Variants in CAST observed in about 807,000 individuals in gnomAD.
The protein encoded by CAST is MIR583 host.
Under a neutral mutation model 119.6 loss-of-function variants are expected in CAST, and 76 were observed. That is an observed-to-expected ratio of 0.64 (90% CI 0.53 to 0.77). The LOEUF is 0.77. CAST is among the 30% of genes least tolerant of loss of function. The probability of loss-of-function intolerance (pLI) is 0.00; values close to 1 mark genes in which losing one functional copy is unlikely to be tolerated. For synonymous variants in CAST, 319 were observed against 331.6 expected, an observed-to-expected ratio of 0.96 and a Z score of 0.41; for missense variants, 953 against 946.5, an observed-to-expected ratio of 1.01 and a Z score of -0.09.
At chr5:96,098,104 T>C in the CAST span, among the ~76,000 whole-genome samples, 1 of 152,190 alleles carries the variant, frequency 6.6e-6, no homozygotes, top group African/African-American at 2.4e-5. Flanking sequence ...TTTCATGTAA[T>C]TGTTGGGCAC....
the CAST span, among the ~76,000 whole-genome samples, chr5:96,495,942 A>G: frequency 6.6e-6 from 1 of 152,254 alleles, no homozygotes. Context: ...TAATTTTTTT[A>G]TTGTCCTGAA....
At chr5:96,407,541 A>G in the CAST span, among the ~76,000 whole-genome samples, 1 of 152,234 alleles carries the variant, frequency 6.6e-6, no homozygotes, top group Non-Finnish European at 1.5e-5. Flanking sequence ...TTGTCAATAT[A>G]TATAAAAATC....
At chr5:96,392,754 A>T in the CAST span, 1 of 546,772 alleles carries the variant, frequency 1.8e-6, no homozygotes, top group Non-Finnish European at 3.3e-6. Context: ...CTCCAGAAAG[A>T]ACAAAACACT....
the CAST span, among the ~76,000 whole-genome samples, chr5:96,116,532 G>T: frequency 2.0e-5 from 3 of 152,132 alleles, no homozygotes; most frequent in Admixed American, 6.6e-5. Flanking sequence ...GTACTCCCCA[G>T]CAATATATTA....
At chr5:96,398,919 G>A in the CAST span, 3 of 1,613,464 alleles carry the variant, frequency 1.9e-6, no homozygotes, top group Non-Finnish European at 2.5e-6. Flanking sequence ...CTCCTCTTCG[G>A]GAATATTCAA....
chr5:96,582,385 TC>T (rs1162221100), intron 1 of CAST, among the ~76,000 whole-genome samples: 1 of 152,220 alleles, frequency 6.6e-6, no homozygotes, highest in Non-Finnish European at 1.5e-5. Context: ...CTCTAATTGT[TC>T]AAACAAGATC....
the CAST span, among the ~76,000 whole-genome samples, chr5:96,207,383 G>T: frequency 6.6e-6 from 1 of 151,722 alleles, no homozygotes; most frequent in Admixed American, 6.6e-5. Flanking sequence ...TTGTTCTGTT[G>T]TCAAGGGGAA....
chr5:96,674,584 A>G (rs62364717), intron 1 of CAST, among the ~76,000 whole-genome samples: 1,995 of 152,256 alleles, frequency 0.013, 19 homozygotes, highest in Non-Finnish European at 0.02. Context: ...ATTTCTCAAA[A>G]CATTTCAGTA....
intron 24 of CAST, chr5:96,761,124 A>G (rs13167972): frequency 0.34 from 52,210 of 152,022 alleles, 9,224 homozygotes; most frequent in Non-Finnish European, 0.39. Context: ...TTTGTGTAGC[A>G]TTAGATGAAT....
chr5:96,599,966 C>CAAAAAAAA (rs74978713), intron 1 of CAST, among the ~76,000 whole-genome samples: 979 of 47,122 alleles, frequency 0.021, 37 homozygotes, highest in African/African-American at 0.055. Context: ...CTTCATTAGG[C>CAAAAAAAA]AAAAAAAAAA....
chr5:96,095,353 G>A, the CAST span, among the ~76,000 whole-genome samples: 3 of 151,834 alleles, frequency 2.0e-5, no homozygotes, highest in Admixed American at 2.0e-4. Context: ...GGAGGCCCAG[G>A]TGAGAGGATC....
the CAST span, among the ~76,000 whole-genome samples, chr5:96,425,047 AG>A: frequency 3.8e-5 from 5 of 131,016 alleles, no homozygotes; most frequent in East Asian, 5.8e-4. Flanking sequence ...AAAGAAAGAA[AG>A]AAAGAAAGAA....
chr5:95,979,984 G>A, the CAST span, among the ~76,000 whole-genome samples: 1 of 152,058 alleles, frequency 6.6e-6, no homozygotes, highest in Non-Finnish European at 1.5e-5. Flanking sequence ...CAGGCATGGT[G>A]GTGGGCACCT....
At chr5:96,093,153 G>A in the CAST span, among the ~76,000 whole-genome samples, 2 of 152,110 alleles carry the variant, frequency 1.3e-5, no homozygotes, top group African/African-American at 4.8e-5. Context: ...AAAAAAATGA[G>A]GGACCAAACT....
chr5:96,169,645 G>T, the CAST span, among the ~76,000 whole-genome samples: 21 of 152,232 alleles, frequency 1.4e-4, no homozygotes, highest in East Asian at 4.0e-3. Flanking sequence ...GGCGTTGAGT[G>T]GGGTAAGGGT....
At chr5:96,196,350 T>C in the CAST span, among the ~76,000 whole-genome samples, 1 of 152,218 alleles carries the variant, frequency 6.6e-6, no homozygotes, top group Non-Finnish European at 1.5e-5. Flanking sequence ...GTTTGCTTAT[T>C]ATTTGTTTAC....
the CAST span, among the ~76,000 whole-genome samples, chr5:96,080,752 T>C: frequency 6.6e-6 from 1 of 152,192 alleles, no homozygotes; most frequent in South Asian, 2.1e-4. Context: ...GTGTGTGGAA[T>C]GACCTTCCCC....
chr5:96,306,442 A>C, the CAST span, among the ~76,000 whole-genome samples: 1 of 151,424 alleles, frequency 6.6e-6, no homozygotes, highest in Non-Finnish European at 1.5e-5. Flanking sequence ...TCATGTCTCT[A>C]TCTCCTTCAG....
the CAST span, among the ~76,000 whole-genome samples, chr5:96,281,982 A>C: frequency 6.6e-6 from 1 of 151,236 alleles, no homozygotes; most frequent in African/African-American, 2.4e-5. Context: ...CCTGTAAAAA[A>C]CTCCTGGCAA....
Sources: gnomAD v4.1 joint callset for allele counts (sites outside exome capture counted in the v4.1 genomes callset) on GRCh38, gnomAD v4.1.1 for gene constraint, MANE v1.5 for transcripts, NCBI Gene and HGNC (gene_info 2026-07-23, HGNC 2026-07-21) for gene names.